SPRED2: variants seen among roughly 807,000 people sequenced by gnomAD.
SPRED2 encodes the protein sprouty related EVH1 domain containing 2.
In SPRED2, 47 loss-of-function variants were observed where a neutral mutation model predicts 43.0. The ratio of observed to expected loss-of-function variants is 1.09; its 90% CI spans 0.87 to 1.40. The LOEUF (loss-of-function observed/expected upper bound fraction) is 1.40, where lower values mean the gene tolerates loss of function less well. SPRED2 is among the 40% of genes most tolerant of loss of function. SPRED2 has a pLI of 0.00. For missense variants in SPRED2, 561 were observed against 586.4 expected (o/e 0.96, Z 0.45); for synonymous variants, 225 against 225.7 (o/e 1.00, Z 0.03).
At chr2:65,339,895 CCTTA>C (rs1207298665) in intron 2 of SPRED2, among the ~76,000 whole-genome samples, 4 of 151,916 alleles carry the variant, frequency 2.6e-5, no homozygotes, top group African/African-American at 4.8e-5. Context: ...ATATTTCTCC[CCTTA>C]CTAACTCCCC....
chr2:65,396,473 TC>T (rs1675760189), intron 1 of SPRED2, among the ~76,000 whole-genome samples: 1 of 152,238 alleles, frequency 6.6e-6, no homozygotes, highest in African/African-American at 2.4e-5. Flanking sequence ...GTCTGATTCA[TC>T]TTTGAGTTCT....
chr2:65,342,465 A>T (rs9789569), intron 2 of SPRED2, among the ~76,000 whole-genome samples: 11 of 149,572 alleles, frequency 7.4e-5, no homozygotes, highest in African/African-American at 2.7e-4. Context: ...TATATGTATG[A>T]ATATTTTGTA....
At chr2:65,395,602 G>A (rs1286385837) in intron 1 of SPRED2, among the ~76,000 whole-genome samples, 1 of 151,956 alleles carries the variant, frequency 6.6e-6, no homozygotes, top group Non-Finnish European at 1.5e-5. Context: ...CATCATATTC[G>A]ATCCACTTCT....
intron 1 of SPRED2, among the ~76,000 whole-genome samples, chr2:65,375,581 A>G (rs925536487): frequency 2.6e-5 from 4 of 152,238 alleles, no homozygotes; most frequent in Non-Finnish European, 4.4e-5. Flanking sequence ...AAGACGAAAC[A>G]GTAGGGGGAA....
intron 1 of SPRED2, among the ~76,000 whole-genome samples, chr2:65,396,617 CAG>C (rs1675763746): frequency 6.6e-6 from 1 of 152,210 alleles, no homozygotes; most frequent in Admixed American, 6.5e-5. Context: ...AACTGAGCAA[CAG>C]GACAGAGATG....
chr2:65,338,122 T>G (rs1242709560), intron 2 of SPRED2, among the ~76,000 whole-genome samples: 2 of 151,624 alleles, frequency 1.3e-5, no homozygotes, highest in Non-Finnish European at 2.9e-5. Context: ...GAGTAAGAGA[T>G]CTATTGAAAG....
intron 4 of SPRED2, among the ~76,000 whole-genome samples, chr2:65,323,332 A>G (rs900967340): frequency 2.6e-5 from 4 of 152,162 alleles, no homozygotes; most frequent in African/African-American, 9.7e-5. Context: ...TAAAAAAACC[A>G]CATACTTTGA....
intron 1 of SPRED2, among the ~76,000 whole-genome samples, chr2:65,387,315 C>A (rs995271068): frequency 2.0e-5 from 3 of 152,192 alleles, no homozygotes; most frequent in African/African-American, 7.2e-5. Context: ...ACAGTCATTG[C>A]TCTCTAGTGA....
chr2:65,348,990 T>C (rs1265656543), intron 1 of SPRED2, among the ~76,000 whole-genome samples: 1 of 151,972 alleles, frequency 6.6e-6, no homozygotes, highest in African/African-American at 2.4e-5. Flanking sequence ...TATTTCAGGA[T>C]TCAACATGCA....
intron 1 of SPRED2, among the ~76,000 whole-genome samples, chr2:65,367,465 TA>T (rs1304336227): frequency 6.6e-6 from 1 of 151,486 alleles, no homozygotes; most frequent in Non-Finnish European, 1.5e-5. Flanking sequence ...AAAATGTTTT[TA>T]AAAATTAAAA....
rs758121276 is a variant in SPRED2 at position 65,313,848 on chromosome 2, C to T, written c.910G>A (p.Gly304Arg). ...CAGTACACGCACCGCGAGCGCTCTC[C>T]GTCCTCCTTCCGCCGCCGCGACTTG... ...RGKSRRRKED[G>R]ERSRCVYCRD... Residue 304 changes from glycine (G) to arginine (R), a missense_variant, in exon 6 of 6, where the codon GGA (glycine) becomes AGA (arginine). This residue lies in a region of SPRED2 where 164 missense variants were observed against 164.1 expected (regional missense o/e 1.00). Transcript: ENST00000356388. 1.1e-5 allele frequency: 18 copies of T among 1,611,628 alleles called. No homozygotes were observed. The Middle Eastern group carries it at 4.9e-4, about 44-fold the overall frequency.
chr2:65,312,855 T>C lies in SPRED2; in HGVS notation c.*646A>G, dbSNP rs995940190. 9.1e-6 allele frequency: 9 copies of C among 985,754 alleles called. No individual in the cohort carries two copies. In the African/African-American group the frequency reaches 1.4e-4, roughly 15 times the overall value. The allele number at this position is 985,754 out of a possible 1,614,324, so 61.1% of individuals were successfully genotyped here. ...CAGATTTTGGGGGGGCAGAAAATGA[T>C]GATGGGCTAAAGATAGAAACTGCAG... On this transcript the variant is annotated 3_prime_UTR_variant, in exon 6 of 6. Coordinates refer to ENST00000356388, the MANE Select transcript of SPRED2 (RefSeq NM_181784.3).
At chr2:65,378,495 G>A (rs1675297657) in intron 1 of SPRED2, among the ~76,000 whole-genome samples, 1 of 152,178 alleles carries the variant, frequency 6.6e-6, no homozygotes, top group Non-Finnish European at 1.5e-5. Flanking sequence ...GCTGGGTGAT[G>A]AGTACATGGG....
At chr2:65,308,294 C>T (rs1319273961), downstream of SPRED2, 37 of 985,208 alleles carry the variant, frequency 3.8e-5, no homozygotes, top group Admixed American at 6.2e-5. Context: ...TCGGCAAAAC[C>T]GCTCCCACAG....
In SPRED2 at chr2:65,316,668, A is replaced by G. The variant is rs866651516; in HGVS notation, c.588+66T>C. On this transcript the variant is annotated intron_variant, in intron 5 of 5. Coordinates refer to ENST00000356388, the MANE Select transcript of SPRED2 (RefSeq NM_181784.3). ...ATGGAATTTGGCTGAATAGGAGGGGAAAGAGGCCATTCCAGAATCAGAGGC... is the reference window on the plus strand; with the variant it reads ...ATGGAATTTGGCTGAATAGGAGGGGGAAGAGGCCATTCCAGAATCAGAGGC... The G allele has an allele frequency of 2.1e-5, 32 of 1,543,978 alleles. No individual in the cohort carries two copies. The Middle Eastern group carries it at 1.1e-3, about 55-fold the overall frequency.
chr2:65,425,709 C>T (rs1676540682), intron 1 of SPRED2, among the ~76,000 whole-genome samples: 1 of 152,202 alleles, frequency 6.6e-6, no homozygotes, highest in Non-Finnish European at 1.5e-5. Flanking sequence ...TCTTCTACTT[C>T]AAAGTCACTA....
chr2:65,384,550 T>G (rs1353286957), intron 1 of SPRED2, among the ~76,000 whole-genome samples: 1 of 152,216 alleles, frequency 6.6e-6, no homozygotes, highest in Non-Finnish European at 1.5e-5. Context: ...TGTGGGGCCC[T>G]TCTGAGAGCA....
intron 3 of SPRED2, among the ~76,000 whole-genome samples, chr2:65,333,689 ATC>A (rs1294090292): frequency 2.6e-5 from 4 of 152,156 alleles, no homozygotes; most frequent in Non-Finnish European, 5.9e-5. Context: ...GGTTTTTATT[ATC>A]TCTTTTTGGC....
chr2:65,308,285 C>CAGA (rs1558641672), downstream of SPRED2: 2 of 984,746 alleles, frequency 2.0e-6, no homozygotes, highest in African/African-American at 3.5e-5. Context: ...CCTGCCCTCT[C>CAGA]GGCAAAACCG....
Sources: gnomAD v4.1 joint callset for allele counts (sites outside exome capture counted in the v4.1 genomes callset) on GRCh38, gnomAD v4.1.1 for gene constraint, gnomAD v4.1.1 regional missense constraint, MANE v1.5 for transcripts, NCBI Gene and HGNC (gene_info 2026-07-23, HGNC 2026-07-21) for gene names.